The following GAPDHS variants were observed in gnomAD, a reference collection of about 807,000 sequenced individuals.
GAPDHS encodes the protein glyceraldehyde-3-phosphate dehydrogenase, testis-specific.
Under a neutral mutation model 48.7 loss-of-function variants are expected in GAPDHS, and 42 were observed. The observed-to-expected ratio is 0.86, with a 90% confidence interval of 0.67 to 1.12. The LOEUF (loss-of-function observed/expected upper bound fraction) is 1.12, where lower values mean the gene tolerates loss of function less well. Ranked by LOEUF, GAPDHS falls within the 50% of genes most tolerant of loss-of-function variation. GAPDHS has a pLI of 0.00. For synonymous variants in GAPDHS, 166 were observed against 219.1 expected (o/e 0.76, Z 2.14); for missense variants, 512 against 557.7 (o/e 0.92, Z 0.82).
rs199883897 is a variant in GAPDHS, at chr19:35,536,825, C to T, written c.80C>T (p.Pro27Leu). The change falls in exon 2 of 11, where the codon CCG (proline) becomes CTG (leucine). Residue 27 changes from proline to leucine, a missense_variant. Transcript: ENST00000222286. Reference protein sequence around the residue: ...LRQPCPVTRAPPPPEPKAEVE... With the variant: ...LRQPCPVTRALPPPEPKAEVE... ...TTCCCCCGCATAGTGACCAGAGCACCGCCCCCACCTGAGCCTAAGGCTGAA... is the reference window on the plus strand; with the variant it reads ...TTCCCCCGCATAGTGACCAGAGCACTGCCCCCACCTGAGCCTAAGGCTGAA... The T allele has an allele frequency of 1.2e-5, 19 of 1,610,086 alleles. No homozygotes were observed. Among genetic ancestry groups the T allele is most frequent in the Admixed American group, 6.7e-5 (4 of 59,766 alleles).
chr19:35,538,266 AC>A (rs2071478446), intron 2 of GAPDHS, 40 bp from the exon 3 acceptor site: 5 of 1,397,388 alleles, frequency 3.6e-6, no homozygotes, highest in Non-Finnish European at 3.0e-6. Context: ...CCTCTCCATT[AC>A]CCCCTTCTCT....
Position 35,543,738 on chromosome 19 carries a change from C to T in GAPDHS, c.967C>T (p.Gln323Ter). ...CGTGGACCTGACCTGCCGCCTCGCC[C>T]AGCCTGCCCCCTACTCAGCCATCAA... ...SVVDLTCRLA[Q>*]PAPYSAIKEA... Residue 323 changes from glutamine (Q) to a stop codon, truncating the protein, a stop_gained, in exon 9 of 11, where the codon CAG becomes TAG. Coordinates refer to ENST00000222286, the MANE Select transcript of GAPDHS (RefSeq NM_014364.5). LOFTEE classifies it high-confidence loss of function. 6.2e-7 allele frequency: 1 copy of T among 1,614,078 alleles called. No individual in the cohort carries two copies. The highest frequency in any genetic ancestry group is 8.5e-7 in the Non-Finnish European group (1 of 1,180,022).
chr19:35,543,320 T>C lies in GAPDHS; in HGVS notation c.742-20T>C, dbSNP rs903292557. 6.2e-7 allele frequency: 1 copy of C among 1,608,270 alleles called. No individual in the cohort carries two copies. The highest frequency in any genetic ancestry group is 8.5e-7 in the Non-Finnish European group (1 of 1,178,312). On this transcript the variant is annotated intron_variant, in intron 7 of 10. Transcript: ENST00000222286. ...GCTTAGGAGCATGAAGGCCTCATCT[T>C]GGTCCTTCTCTTCCCCAAGACCACA... is the stretch of plus-strand genomic sequence containing the variant.
chr19:35,535,238 C>T (rs1457044900), intron 1 of GAPDHS, among the ~76,000 whole-genome samples: 1 of 152,248 alleles, frequency 6.6e-6, no homozygotes, highest in South Asian at 2.1e-4. Flanking sequence ...TACCTCCAGG[C>T]GCAGGTGTTT....
intron 2 of GAPDHS, among the ~76,000 whole-genome samples, chr19:35,538,091 A>G (rs1461027330): frequency 6.6e-6 from 1 of 152,064 alleles, no homozygotes; most frequent in Non-Finnish European, 1.5e-5. Context: ...ATATATATAT[A>G]TATATGTATA....
chr19:35,542,913 C>T, intron 6 of GAPDHS, 32 bp from the exon 7 acceptor site: 1 of 1,569,088 alleles, frequency 6.4e-7, no homozygotes, highest in Non-Finnish European at 8.8e-7. Context: ...CGACTCACCT[C>T]ACAGTGTCCG....
intron 7 of GAPDHS, 50 bp downstream of exon 7, chr19:35,543,076 A>G (rs775819839): frequency 4.3e-6 from 6 of 1,399,216 alleles, no homozygotes; most frequent in Non-Finnish European, 6.1e-6. Context: ...GGGAAACCCA[A>G]CTTCTTCCCG....
chr19:35,543,063 G>A, intron 7 of GAPDHS, 37 bp downstream of exon 7: 2 of 1,499,100 alleles, frequency 1.3e-6, no homozygotes, highest in Non-Finnish European at 1.9e-6. Context: ...AGGAAGGATG[G>A]CAGGGAAACC....
intron 4 of GAPDHS, among the ~76,000 whole-genome samples, chr19:35,539,283 G>C (rs2071485852): frequency 1.3e-5 from 2 of 152,192 alleles, no homozygotes; most frequent in African/African-American, 4.8e-5. Context: ...CACCTATTCA[G>C]CTCCCATTGA....
In GAPDHS at chr19:35,539,981, C is replaced by G. The variant is rs543162709; in HGVS notation, c.449+1298C>G. Among the ~76,000 whole-genome samples, 4 of 152,352 alleles carry G rather than the reference C, an allele frequency of 2.6e-5. No homozygotes were observed. The East Asian group carries it at 5.8e-4, about 22-fold the overall frequency. On this transcript the variant is annotated intron_variant, in intron 4 of 10. Coordinates refer to ENST00000222286, the MANE Select transcript of GAPDHS (RefSeq NM_014364.5). ...TGCAGTTCCCCGCCCCTCCAGCCCC[C>G]TCTCCATCCCCGCACTGTTGGGCTG...
Position 35,533,463 on chromosome 19 carries a change from G to A in GAPDHS, c.-65G>A. On this transcript the variant is annotated 5_prime_UTR_variant, in exon 1 of 11. Transcript: ENST00000222286. Reference sequence around the variant, plus strand: ...AATTAGCCCAGGACCCACAGCCCTGGCGCTCCGCACGCACCTCGGTAACAT... The same window carrying A: ...AATTAGCCCAGGACCCACAGCCCTGACGCTCCGCACGCACCTCGGTAACAT... 1 of 1,427,342 alleles carries A rather than the reference G, an allele frequency of 7.0e-7. No individual in the cohort carries two copies. The highest frequency in any genetic ancestry group is 9.9e-7 in the Non-Finnish European group (1 of 1,011,394). 88.4% of individuals were successfully genotyped at this position (1,427,342 alleles called of 1,614,324 possible).
chr19:35,543,547 T>C (rs1385591525), intron 8 of GAPDHS, 56 bp downstream of exon 8: 4 of 1,576,082 alleles, frequency 2.5e-6, no homozygotes, highest in Non-Finnish European at 3.4e-6. Flanking sequence ...AGGACTGGAC[T>C]GGCCCGGCCC....
chr19:35,542,599 A>T lies in GAPDHS; in HGVS notation c.650A>T (p.Asn217Ile), dbSNP rs1256832510. The change falls in exon 6 of 11, where the codon AAC (asparagine) becomes ATC (isoleucine). Residue 217 changes from asparagine (N) to isoleucine (I), a missense_variant. Transcript: ENST00000222286. ...NENDYNPGSM[N>I]IVSNASCTTN... ...AATGACTATAACCCTGGCTCCATGA[A>T]CATTGTGAGGTAATGTGGGCAGTGA... 17 of 1,604,958 alleles carry T rather than the reference A, an allele frequency of 1.1e-5. No individual in the cohort carries two copies. In the East Asian group the frequency reaches 3.8e-4, roughly 36 times the overall value.
intron 7 of GAPDHS, 86 bp from the exon 8 acceptor site, chr19:35,543,254 C>A: frequency 2.6e-6 from 4 of 1,518,570 alleles, no homozygotes; most frequent in South Asian, 1.2e-5. Context: ...AGCCTCCACA[C>A]CTAGGCCACC....
At position 35,536,935 on chromosome 19, in the gene GAPDHS, A is replaced by ACTC; in HGVS notation, c.199_201dup (p.Pro67dup). 5 of 1,613,346 alleles carry ACTC rather than the reference A, an allele frequency of 3.1e-6. No individual in the cohort carries two copies. Among genetic ancestry groups the ACTC allele is most frequent in the Non-Finnish European group, 4.2e-6 (5 of 1,179,826 alleles). On this transcript the variant is annotated inframe_insertion, in exon 2 of 11. Transcript: ENST00000222286. ...GCCACCACTGCCTCCTCACCCCGCT[A>ACTC]CTCCTCCTCCTAAGATGGTGTCTGT...
intron 7 of GAPDHS, 117 bp downstream of exon 7, chr19:35,543,143 C>A (rs1407513798): frequency 6.1e-6 from 6 of 980,468 alleles, no homozygotes; most frequent in East Asian, 2.5e-5. Flanking sequence ...AGGAGAGGCC[C>A]ACCAGTGCAG....
chr19:35,542,409 G>C lies in GAPDHS; in HGVS notation c.540G>C (p.Ser180=). 1 of 1,610,230 alleles carries C rather than the reference G, an allele frequency of 6.2e-7. No individual in the cohort carries two copies. The highest frequency in any genetic ancestry group is 8.5e-7 in the Non-Finnish European group (1 of 1,176,622). Residue 180 remains serine (S), a splice_region_variant and synonymous_variant, in exon 5 of 11, where the codon TCG becomes TCC. Coordinates refer to ENST00000222286, the MANE Select transcript of GAPDHS (RefSeq NM_014364.5). Reference sequence around the variant, plus strand: ...TGTACCTCTCCATACAGGCAGCTTCGGTAAGCTGGGGAGAGGTGCCCAGGG... The same window carrying C: ...TGTACCTCTCCATACAGGCAGCTTCCGTAAGCTGGGGAGAGGTGCCCAGGG... ...TGVYLSIQAA[S]DHISAGAQRV...
chr19:35,543,162 T>C, intron 7 of GAPDHS, 136 bp downstream of exon 7: 1 of 973,094 alleles, frequency 1.0e-6, no homozygotes, highest in Non-Finnish European at 1.6e-6. Flanking sequence ...AGAAGTCACT[T>C]AAAACACTGT....
At chr19:35,543,587 G>A (rs1320772427) in intron 8 of GAPDHS, 78 bp from the exon 9 acceptor site, 106 of 1,581,442 alleles carry the variant, frequency 6.7e-5, no homozygotes, top group South Asian at 1.0e-4. Context: ...CAGGGGCCTG[G>A]CCCAGCCACA....
Sources: allele counts gnomAD v4.1 joint callset (sites outside exome capture counted in the v4.1 genomes callset), GRCh38; gene constraint gnomAD v4.1.1; transcripts MANE v1.5; gene names NCBI Gene and HGNC (gene_info 2026-07-23, HGNC 2026-07-21).